Variants in NYAP2 observed in about 807,000 individuals in gnomAD.
NYAP2 encodes neuronal tyrosine-phosphorylated phosphoinositide-3-kinase adaptor 2.
Under a neutral mutation model 50.4 loss-of-function variants are expected in NYAP2, and 23 were observed. The ratio of observed to expected loss-of-function variants is 0.46; its 90% CI spans 0.33 to 0.65. The LOEUF is 0.65. Among genes scored for constraint, NYAP2 ranks in the 30% least tolerant of loss-of-function variants. NYAP2 has a pLI of 0.02. For synonymous variants in NYAP2, 394 were observed against 365.2 expected (o/e 1.08, Z -0.90); for missense variants, 885 against 861.0 (o/e 1.03, Z -0.35).
intron 3 of NYAP2, among the ~76,000 whole-genome samples, chr2:225,421,358 C>A (rs1357603453): frequency 6.6e-6 from 1 of 152,096 alleles, no homozygotes; most frequent in Non-Finnish European, 1.5e-5. Flanking sequence ...ATTTGTCAAG[C>A]AAATTTTTTC....
chr2:225,580,958 C>G (rs1211093005), intron 4 of NYAP2, among the ~76,000 whole-genome samples: 1 of 152,176 alleles, frequency 6.6e-6, no homozygotes, highest in African/African-American at 2.4e-5. Context: ...TATATCAACA[C>G]AATGAGATAA....
At chr2:225,421,338 A>T (rs575604490) in intron 3 of NYAP2, among the ~76,000 whole-genome samples, 2 of 152,330 alleles carry the variant, frequency 1.3e-5, no homozygotes, top group Admixed American at 1.3e-4. Flanking sequence ...ACAAAATAGG[A>T]TTGAAAATCA....
At chr2:225,571,748 C>T (rs765595114) in intron 4 of NYAP2, among the ~76,000 whole-genome samples, 43 of 152,184 alleles carry the variant, frequency 2.8e-4, no homozygotes, top group Non-Finnish European at 5.0e-4. Context: ...AGACATTTTC[C>T]CCATTATCTT....
chr2:225,552,187 C>A (rs970420834), intron 4 of NYAP2, among the ~76,000 whole-genome samples: 1 of 152,078 alleles, frequency 6.6e-6, no homozygotes, highest in African/African-American at 2.4e-5. Context: ...GTCCAAAATT[C>A]CCTCAGATTT....
intron 4 of NYAP2, among the ~76,000 whole-genome samples, chr2:225,576,214 G>A (rs1692167615): frequency 6.6e-6 from 1 of 152,148 alleles, no homozygotes; most frequent in South Asian, 2.1e-4. Context: ...CCACACTGTT[G>A]AGCCAGTTCC....
intron 6 of NYAP2, among the ~76,000 whole-genome samples, chr2:225,646,559 A>G (rs1424109513): frequency 6.6e-6 from 1 of 152,224 alleles, no homozygotes; most frequent in Non-Finnish European, 1.5e-5. Flanking sequence ...CTCAAAAAAA[A>G]GTTCCTGCCA....
At position 225,507,826 on chromosome 2, in the gene NYAP2, G is replaced by C. The variant is rs115510061; in HGVS notation, c.222-5545G>C. Among the ~76,000 whole-genome samples, 1,136 of 152,334 alleles carry C rather than the reference G, an allele frequency of 7.5e-3. 6 individuals carry two copies. Among genetic ancestry groups the C allele is most frequent in the African/African-American group, 0.025 (1,058 of 41,562 alleles). On this transcript the variant is annotated intron_variant, in intron 3 of 6. Transcript: ENST00000636099. ...AGTATATCAGGTAAATTTGATACCA[G>C]TTTGACGGGGCCAATGCCGCTATTA...
Position 225,582,950 on chromosome 2 carries a change from G to A in NYAP2, c.1533G>A (p.Leu511=). Residue 511 remains leucine, a synonymous_variant, in exon 5 of 7, where the codon CTG becomes CTA. Transcript: ENST00000636099. This position sits in a 1 kb window ranked among gnomAD's most constrained non-coding sequence, Gnocchi z 7.0. ...GGTCCCGGACACCCACGAGCCCGCT[G>A]GAGGAGCTGACCAGCCTCTTCTCCT... 1 of 1,612,550 alleles carries A rather than the reference G, an allele frequency of 6.2e-7. No homozygotes were observed. The highest frequency in any genetic ancestry group is 8.5e-7 in the Non-Finnish European group (1 of 1,179,746).
At chr2:225,464,695 C>A (rs1486696034) in intron 3 of NYAP2, among the ~76,000 whole-genome samples, 1 of 152,206 alleles carries the variant, frequency 6.6e-6, no homozygotes, top group Non-Finnish European at 1.5e-5. Flanking sequence ...TATGGGAAAG[C>A]AATCCACGTT....
intron 5 of NYAP2, among the ~76,000 whole-genome samples, chr2:225,605,751 C>T (rs1692774053): frequency 6.6e-6 from 1 of 151,928 alleles, no homozygotes; most frequent in Admixed American, 6.6e-5. Context: ...CATGTTTTCT[C>T]CCAAATAATT....
intron 4 of NYAP2, among the ~76,000 whole-genome samples, chr2:225,578,664 G>A (rs561899121): frequency 6.6e-6 from 1 of 152,300 alleles, no homozygotes; most frequent in South Asian, 2.1e-4. Flanking sequence ...AGTTGTAAAA[G>A]TTAAGGAGAT....
At chr2:225,438,336 C>G (rs1407788209) in intron 3 of NYAP2, among the ~76,000 whole-genome samples, 1 of 152,244 alleles carries the variant, frequency 6.6e-6, no homozygotes, top group East Asian at 1.9e-4. Flanking sequence ...AAGAGACTGC[C>G]ACAGAACAAA....
chr2:225,624,495 G>A (rs1400083217), intron 5 of NYAP2, among the ~76,000 whole-genome samples: 1 of 152,176 alleles, frequency 6.6e-6, no homozygotes, highest in Admixed American at 6.5e-5. Flanking sequence ...ATGGGTGGTT[G>A]TTTAGCTTTT....
intron 5 of NYAP2, among the ~76,000 whole-genome samples, chr2:225,603,443 C>G (rs1304418400): frequency 6.6e-6 from 1 of 152,070 alleles, no homozygotes; most frequent in Non-Finnish European, 1.5e-5. Flanking sequence ...CAGACAGATT[C>G]AGAACTGAGC....
At chr2:225,552,702 GT>G (rs1381787641) in intron 4 of NYAP2, among the ~76,000 whole-genome samples, 1 of 152,074 alleles carries the variant, frequency 6.6e-6, no homozygotes, top group Non-Finnish European at 1.5e-5. Context: ...GTTTGTTTTT[GT>G]TTTTTGAGAC....
intron 3 of NYAP2, among the ~76,000 whole-genome samples, chr2:225,425,563 T>G (rs1210764936): frequency 6.6e-6 from 1 of 152,208 alleles, no homozygotes; most frequent in Non-Finnish European, 1.5e-5. Context: ...AAACTTAATG[T>G]GAAGGGGAAA....
intron 5 of NYAP2, among the ~76,000 whole-genome samples, chr2:225,584,219 T>C (rs1692352103): frequency 6.6e-6 from 1 of 152,220 alleles, no homozygotes; most frequent in Admixed American, 6.5e-5. Context: ...CATAGACCCA[T>C]TATTTTCCTT....
intron 5 of NYAP2, among the ~76,000 whole-genome samples, chr2:225,597,707 G>A (rs895931268): frequency 1.6e-4 from 24 of 150,222 alleles, no homozygotes; most frequent in African/African-American, 2.9e-4. Flanking sequence ...AATAACAGCC[G>A]TTCTTTTAGG....
chr2:225,508,400 G>A (rs966444507), intron 3 of NYAP2, among the ~76,000 whole-genome samples: 3 of 152,134 alleles, frequency 2.0e-5, no homozygotes, highest in Admixed American at 6.6e-5. Flanking sequence ...TCCATTTGTC[G>A]TGATGCCTTC....
Sources: allele counts gnomAD v4.1 joint callset (sites outside exome capture counted in the v4.1 genomes callset), GRCh38; gene constraint gnomAD v4.1.1; non-coding constraint Gnocchi (gnomAD v3.1); transcripts MANE v1.5; gene names NCBI Gene and HGNC (gene_info 2026-07-23, HGNC 2026-07-21).